PRAMEF1: variants seen among roughly 807,000 people sequenced by gnomAD.
The protein encoded by PRAMEF1 is PRAME family member 1.
PRAMEF1 carries 21 observed loss-of-function variants against 38.2 expected under a neutral mutation model. The ratio of observed to expected loss-of-function variants is 0.55; its 90% CI spans 0.39 to 0.79. PRAMEF1 has a LOEUF of 0.79. Ranked by LOEUF, PRAMEF1 falls within the 30% of genes least tolerant of loss-of-function variation. PRAMEF1 has a pLI of 0.00. For missense variants in PRAMEF1, 497 were observed against 565.8 expected, an observed-to-expected ratio of 0.88 and a Z score of 1.23; for synonymous variants, 200 against 229.0, an observed-to-expected ratio of 0.87 and a Z score of 1.14.
chr1:12,795,403 A>G (rs1476506292), intron 3 of PRAMEF1, 35 bp from the exon 4 acceptor site: 4 of 1,608,938 alleles, frequency 2.5e-6, no homozygotes, highest in South Asian at 1.1e-5. Flanking sequence ...TCTAACTGGT[A>G]TCACTGCCCA....
chr1:12,796,210 C>T lies in PRAMEF1; in HGVS notation c.*214C>T, dbSNP rs954219700. ...TGCTGGGCTTATGGGATCCTCCTGCCTCAGCTTCCTAAAGTGCTGGGATTA... is the reference window on the plus strand; with the variant it reads ...TGCTGGGCTTATGGGATCCTCCTGCTTCAGCTTCCTAAAGTGCTGGGATTA... On this transcript the variant is annotated 3_prime_UTR_variant, in exon 4 of 4. Transcript: ENST00000332296. 6.8e-5 allele frequency: 61 copies of T among 892,944 alleles called. No homozygotes were observed. In the African/African-American group the frequency reaches 9.5e-4, roughly 14 times the overall value. The allele number at this position is 892,944 out of a possible 1,614,324, so 55.3% of individuals were successfully genotyped here.
rs1185050591 is a variant in PRAMEF1 at position 12,793,600 on chromosome 1, T to C, written c.287+86T>C. 2.3e-5 allele frequency: 36 copies of C among 1,544,224 alleles called. 2 individuals carry two copies. The Middle Eastern group carries it at 7.2e-4, about 31-fold the overall frequency. On this transcript the variant is annotated intron_variant, in intron 2 of 3. Transcript: ENST00000332296. ...GTCAGGCAGAGAAGTAGCCCAAGTG[T>C]GGCCCAGAGTCTTCTGATGGTGTTG...
At chr1:12,794,651 C>T in intron 3 of PRAMEF1, 158 bp downstream of exon 3, 1 of 1,505,066 alleles carries the variant, frequency 6.6e-7, no homozygotes, top group South Asian at 1.3e-5. Flanking sequence ...TGTTCCATGT[C>T]CTGGAGTGGC....
At chr1:12,794,670 G>A in intron 3 of PRAMEF1, 177 bp downstream of exon 3, 1 of 1,467,948 alleles carries the variant, frequency 6.8e-7, no homozygotes. Context: ...GCTATCACAG[G>A]ATCGCTCCAA....
In PRAMEF1 at chr1:12,795,760, C is replaced by A. The variant is rs771823945; in HGVS notation, c.1189C>A (p.Leu397Met). The A allele has an allele frequency of 2.2e-5, 35 of 1,611,090 alleles. 1 individual carries two copies. In the Middle Eastern group the frequency reaches 1.8e-3, roughly 83 times the overall value. Residue 397 changes from leucine (L) to methionine (M), a missense_variant, in exon 4 of 4, where the codon CTG becomes ATG. Around this residue, in one of 2 missense-constraint regions of PRAMEF1, gnomAD observed 470 missense variants for 501.9 expected, o/e 0.94. Coordinates refer to ENST00000332296, the MANE Select transcript of PRAMEF1 (RefSeq NM_023013.4). Reference protein sequence around the residue: ...NCMSIDALKDLLRHTSGLSKL... With the variant: ...NCMSIDALKDMLRHTSGLSKL... The stretch of plus-strand genomic sequence containing the variant: ...CATGTCTATTGACGCCCTGAAGGAC[C>A]TGCTGCGCCACACCAGTGGGCTGAG...
rs1306005854 is a variant in PRAMEF1 at position 12,794,336 on chromosome 1, C to T, written c.709C>T (p.Leu237Phe). 5.0e-6 allele frequency: 8 copies of T among 1,612,062 alleles called. 1 individual carries two copies. In the African/African-American group the frequency reaches 1.1e-4, roughly 22 times the overall value. ...YLKEMKNLRK[L>F]VFSRCHHYTS... Reference sequence around the variant, plus strand: ...GAAGGAGATGAAGAATCTTCGCAAACTCGTTTTCTCCAGGTGCCATCATTA... The same window carrying T: ...GAAGGAGATGAAGAATCTTCGCAAATTCGTTTTCTCCAGGTGCCATCATTA... The change falls in exon 3 of 4, where the codon CTC becomes TTC. Residue 237 changes from leucine (L) to phenylalanine (F), a missense_variant. Leu to Phe is a conservative substitution (Grantham distance 22). This residue lies in a region of PRAMEF1 where 470 missense variants were observed against 501.9 expected (regional missense o/e 0.94). Transcript: ENST00000332296.
At position 12,796,626 on chromosome 1, in the gene PRAMEF1, T is replaced by C. The variant is rs1408003521; in HGVS notation, c.*630T>C. The C allele has an allele frequency of 2.6e-5, 4 of 154,058 alleles. No individual in the cohort carries two copies. The highest frequency in any genetic ancestry group is 9.7e-5 in the African/African-American group (4 of 41,290). 9.5% of individuals were successfully genotyped at this position (154,058 alleles called of 1,614,324 possible). A position where few individuals can be genotyped will look rare whatever the true frequency, so the allele number is the denominator to read the frequency against. On this transcript the variant is annotated 3_prime_UTR_variant, in exon 4 of 4. Transcript: ENST00000332296. ...GCAACCAAATAAAAATTAGATCATT[T>C]TGAGTATTTCCCACCCATTCTTGTT...
intron 1 of PRAMEF1, among the ~76,000 whole-genome samples, chr1:12,792,812 C>T (rs974909776): frequency 6.6e-6 from 1 of 151,056 alleles, no homozygotes; most frequent in African/African-American, 2.4e-5. Context: ...TGAGCCACAG[C>T]ACCTGGTCCA....
At chr1:12,794,684 G>T (rs1334932726) in intron 3 of PRAMEF1, 191 bp downstream of exon 3, 2 of 1,451,002 alleles carry the variant, frequency 1.4e-6, no homozygotes, top group East Asian at 4.9e-5. Flanking sequence ...GCTCCAATAA[G>T]GGGAGAGGCG....
Position 12,794,023 on chromosome 1 carries a change from G to T in PRAMEF1, c.396G>T (p.Arg132Ser), listed in dbSNP as rs753961214. The change falls in exon 3 of 4, where the codon AGG (arginine) becomes AGT (serine). Residue 132 changes from arginine (R) to serine (S), a missense_variant. Around this residue, in one of 2 missense-constraint regions of PRAMEF1, gnomAD observed 470 missense variants for 501.9 expected, o/e 0.94. Transcript: ENST00000332296. ...GCTTCCCAGAGACCACGAGTAAGAG[G>T]CAGACAGCAGAGGACTGTCCAAGGA... is the stretch of plus-strand genomic sequence containing the variant. ...LSCFPETTSK[R>S]QTAEDCPRMG... 4 of 1,608,232 alleles carry T rather than the reference G, an allele frequency of 2.5e-6. No homozygotes were observed. In the Admixed American group the frequency reaches 5.0e-5, roughly 20 times the overall value.
At position 12,794,917 on chromosome 1, in the gene PRAMEF1, G is replaced by A. The variant is rs1227171361; in HGVS notation, c.866+424G>A. On this transcript the variant is annotated intron_variant, in intron 3 of 3. Transcript: ENST00000332296. ...CCTCACCGGCTTAGTGATCACGAAT[G>A]ATCCTGTCTCTGATTCCCTGTTTGT... 70 of 1,327,478 alleles carry A rather than the reference G, an allele frequency of 5.3e-5. 1 individual carries two copies. In the Admixed American group the frequency reaches 1.5e-3, roughly 29 times the overall value. 82.2% of individuals were successfully genotyped at this position (1,327,478 alleles called of 1,614,324 possible). A position where few individuals can be genotyped will look rare whatever the true frequency, so the allele number is the denominator to read the frequency against.
intron 2 of PRAMEF1, among the ~76,000 whole-genome samples, 195 bp from the exon 3 acceptor site, chr1:12,793,719 CT>C (rs1309642917): frequency 6.6e-6 from 1 of 151,294 alleles, no homozygotes; most frequent in African/African-American, 2.4e-5. Flanking sequence ...AGAAACCTGC[CT>C]TTACTCAGTG....
intron 3 of PRAMEF1, chr1:12,795,027 G>C (rs1303964054): frequency 2.5e-6 from 3 of 1,180,806 alleles, no homozygotes; most frequent in Non-Finnish European, 3.4e-6. Flanking sequence ...AGGCGTGAGA[G>C]TGGTAAAAAG....
chr1:12,792,585 G>T (rs1639312183), intron 1 of PRAMEF1, among the ~76,000 whole-genome samples: 1 of 151,154 alleles, frequency 6.6e-6, no homozygotes, highest in African/African-American at 2.4e-5. Context: ...TTATCAATTT[G>T]TTTTTGTTTG....
chr1:12,792,897 T>C (rs4127246), intron 1 of PRAMEF1, among the ~76,000 whole-genome samples: 1 of 150,972 alleles, frequency 6.6e-6, no homozygotes, highest in Non-Finnish European at 1.5e-5. Context: ...TCCCCCAGCA[T>C]GTTTATGGTG....
At position 12,793,244 on chromosome 1, in the gene PRAMEF1, C is replaced by T. The variant is rs777008554; in HGVS notation, c.17C>T (p.Pro6Leu). Reference protein sequence around the residue: MSIQAPPRLLELAGQS... With the variant: MSIQALPRLLELAGQS... Reference sequence around the variant, plus strand: ...TCTATCAGGATGAGCATCCAGGCCCCACCCAGACTACTGGAGCTGGCAGGG... The same window carrying T: ...TCTATCAGGATGAGCATCCAGGCCCTACCCAGACTACTGGAGCTGGCAGGG... Residue 6 changes from proline (P) to leucine (L), a missense_variant, in exon 2 of 4, where the codon CCA becomes CTA. Coordinates refer to ENST00000332296, the MANE Select transcript of PRAMEF1 (RefSeq NM_023013.4). 3.7e-6 allele frequency: 6 copies of T among 1,606,670 alleles called. No homozygotes were observed. The highest frequency in any genetic ancestry group is 4.2e-6 in the Non-Finnish European group (5 of 1,177,158).
Position 12,794,118 on chromosome 1 carries a change from T to C in PRAMEF1, c.491T>C (p.Leu164Pro), listed in dbSNP as rs1266693008. The C allele has an allele frequency of 2.2e-5, 36 of 1,609,904 alleles. 1 individual carries two copies. The Admixed American group carries it at 4.7e-4, about 21-fold the overall frequency. The change falls in exon 3 of 4, where the codon CTG becomes CCG. Residue 164 changes from leucine to proline, a missense_variant. This residue lies in a region of PRAMEF1 where 470 missense variants were observed against 501.9 expected (regional missense o/e 0.94). Transcript: ENST00000332296. ...CLKEIPQDEC[L>P]RYLFQWVYQR... Reference sequence around the variant, plus strand: ...AAGGAAATACCCCAGGATGAATGCCTGAGATACCTCTTCCAGTGGGTTTAC... The same window carrying C: ...AAGGAAATACCCCAGGATGAATGCCCGAGATACCTCTTCCAGTGGGTTTAC...
intron 2 of PRAMEF1, 35 bp from the exon 3 acceptor site, chr1:12,793,880 C>T (rs1427120090): frequency 1.0e-5 from 16 of 1,601,060 alleles, no homozygotes; most frequent in Non-Finnish European, 1.4e-5. Flanking sequence ...ATGAGTCCTT[C>T]TAAATTCTGA....
chr1:12,792,035 T>TC (rs1455240418), intron 1 of PRAMEF1, among the ~76,000 whole-genome samples: 3 of 150,824 alleles, frequency 2.0e-5, no homozygotes, highest in Admixed American at 1.3e-4. Context: ...GTTAATTTTT[T>TC]TTTTCAGATG....
Sources: allele counts gnomAD v4.1 joint callset (sites outside exome capture counted in the v4.1 genomes callset), GRCh38; gene constraint gnomAD v4.1.1; regional missense constraint gnomAD v4.1.1; transcripts MANE v1.5; gene names NCBI Gene and HGNC (gene_info 2026-07-23, HGNC 2026-07-21).